SLU7: variants seen among roughly 807,000 people sequenced by gnomAD.
SLU7 encodes the protein pre-mRNA-splicing factor SLU7.
In SLU7, 60 loss-of-function variants were observed where a neutral mutation model predicts 87.0. The observed-to-expected ratio is 0.69, with a 90% CI of 0.56 to 0.86. SLU7 has a LOEUF of 0.86. SLU7 is among the 40% of genes least tolerant of loss of function. The pLI is 0.00. For missense variants in SLU7, 507 were observed against 686.6 expected (o/e 0.74, Z 2.92); for synonymous variants, 197 against 222.0 (o/e 0.89, Z 1.00).
chr5:160,415,231 A>G lies in SLU7; in HGVS notation c.64T>C (p.Leu22=), dbSNP rs1311089294. 2 of 1,610,596 alleles carry G rather than the reference A, an allele frequency of 1.2e-6. No individual in the cohort carries two copies. ...CTGGTCATCTTCTTTGGTTCTTCCA[A>G]ACTCATTTCTTTGGACCCCGATAGG... ...APLSGSKEMS[L]EEPKKMTRED... is the part of the protein sequence containing the mutation. The change falls in exon 2 of 16, where the codon TTG becomes CTG. Residue 22 remains leucine (L), a synonymous_variant. Transcript: ENST00000297151.
chr5:160,405,083 T>G lies in SLU7; in HGVS notation c.1340A>C (p.His447Pro). 1 of 1,613,808 alleles carries G rather than the reference T, an allele frequency of 6.2e-7. No homozygotes were observed. The highest frequency in any genetic ancestry group is 8.5e-7 in the Non-Finnish European group (1 of 1,179,806). Residue 447 changes from histidine to proline, a missense_variant, in exon 13 of 16, where the codon CAC becomes CCC. Physicochemically the swap from His to Pro is moderately conservative, Grantham distance 77. Coordinates refer to ENST00000297151, the MANE Select transcript of SLU7 (RefSeq NM_006425.5). ...KEGRWGYKCC[H>P]SFFKYSYCTG... Reference sequence around the variant, plus strand: ...ACAATAGGAATACTTGAAAAAAGAGTGACAGCATTTGTATCCCCATCGGCC... The same window carrying G: ...ACAATAGGAATACTTGAAAAAAGAGGGACAGCATTTGTATCCCCATCGGCC...
At chr5:160,408,531 C>G (rs1426359216) in intron 7 of SLU7, 71 bp from the exon 8 acceptor site, 4 of 1,505,466 alleles carry the variant, frequency 2.7e-6, no homozygotes, top group Middle Eastern at 3.8e-4. Context: ...TTCCCCTTTC[C>G]CTTTAACCAA....
Position 160,413,497 on chromosome 5 carries a change from C to A in SLU7, c.529G>T (p.Glu177Ter). ...RDRWNGYNPE[E>*]HMKIVEEYAK... ...TACTCTTCAACAATTTTCATGTGTTCTTCTGGATTGTAGCCATTCCACCGA... is the reference window on the plus strand; with the variant it reads ...TACTCTTCAACAATTTTCATGTGTTATTCTGGATTGTAGCCATTCCACCGA... The change falls in exon 5 of 16, where the codon GAA (glutamate) becomes TAA (stop). Residue 177 changes from glutamate (E) to a stop codon, truncating the protein, a stop_gained. Transcript: ENST00000297151. LOFTEE classifies it high-confidence loss of function. The A allele has an allele frequency of 6.2e-7, 1 of 1,613,922 alleles. No homozygotes were observed. The highest frequency in any genetic ancestry group is 8.5e-7 in the Non-Finnish European group (1 of 1,179,900).
intron 6 of SLU7, 92 bp from the exon 7 acceptor site, chr5:160,408,789 T>TTA: frequency 4.2e-6 from 1 of 236,712 alleles, no homozygotes; most frequent in Non-Finnish European, 8.6e-6. Context: ...TATTATCTTA[T>TTA]TATAAATAAT....
At chr5:160,414,497 A>C (rs1380742888) in intron 2 of SLU7, 25 bp from the exon 3 acceptor site, 4 of 1,471,446 alleles carry the variant, frequency 2.7e-6, no homozygotes, top group Non-Finnish European at 3.6e-6. Flanking sequence ...AAAAAAAAAA[A>C]AATTTAAGGA....
At chr5:160,412,377 G>T in intron 6 of SLU7, 74 bp downstream of exon 6, 4 of 928,608 alleles carry the variant, frequency 4.3e-6, no homozygotes, top group South Asian at 4.3e-5. Context: ...GCTATAAAAT[G>T]AATTCTTGTT....
In SLU7 at chr5:160,404,556, G is replaced by A. The variant is rs1764923576; in HGVS notation, c.1465C>T (p.Leu489=). ...TCCTCTTTCAGTTTTTCTTGATGCA[G>A]CTGAAAGGGAGGATTGAAATGCAGT... The part of the protein sequence containing the change: ...SVKKPQTLME[L]HQEKLKEEKK... The change falls in exon 15 of 16, where the codon CTG becomes TTG. Residue 489 remains leucine, a splice_region_variant and synonymous_variant. Coordinates refer to ENST00000297151, the MANE Select transcript of SLU7 (RefSeq NM_006425.5). The A allele has an allele frequency of 1.9e-6, 3 of 1,565,566 alleles. No homozygotes were observed. The highest frequency in any genetic ancestry group is 2.6e-6 in the Non-Finnish European group (3 of 1,140,684).
In SLU7 at chr5:160,413,563, C is replaced by T. The variant is rs763084596; in HGVS notation, c.463G>A (p.Val155Ile). ...TGTNIAPDEH[V>I]QPQLMFDYDG... ...TAGTCAAACATCAGTTGAGGCTGGA[C>T]ATGTTCATCTGGAGCTATATTAGTA... Residue 155 changes from valine to isoleucine, a missense_variant, in exon 5 of 16, where the codon GTC (valine) becomes ATC (isoleucine). Physicochemically the swap from Val to Ile is conservative, Grantham distance 29 (BLOSUM62 3). Coordinates refer to ENST00000297151, the MANE Select transcript of SLU7 (RefSeq NM_006425.5). 2 of 1,614,000 alleles carry T rather than the reference C, an allele frequency of 1.2e-6. No homozygotes were observed. Among genetic ancestry groups the T allele is most frequent in the South Asian group, 1.1e-5 (1 of 91,086 alleles).
In SLU7 at chr5:160,407,640, T is replaced by C; in HGVS notation, c.986-25A>G. The C allele has an allele frequency of 6.2e-7, 1 of 1,606,588 alleles. No homozygotes were observed. ...ACTAGAGTAATTCAAAACATCTTAG[T>C]GAGTTGGCAGCTGCATTACTGTATG... is the stretch of plus-strand genomic sequence containing the variant. On this transcript the variant is annotated intron_variant, in intron 10 of 15. Transcript: ENST00000297151. This position sits in a 1 kb window ranked among gnomAD's most constrained non-coding sequence, Gnocchi z 4.2.
chr5:160,408,668 C>G lies in SLU7; in HGVS notation c.669G>C (p.Glu223Asp), dbSNP rs1372038647. 1 of 1,574,110 alleles carries G rather than the reference C, an allele frequency of 6.4e-7. No homozygotes were observed. The highest frequency in any genetic ancestry group is 8.7e-7 in the Non-Finnish European group (1 of 1,152,600). The change falls in exon 7 of 16, where the codon GAG (glutamate) becomes GAC (aspartate). Residue 223 changes from glutamate to aspartate, a missense_variant. Glu to Asp is a conservative substitution (Grantham distance 45). Coordinates refer to ENST00000297151, the MANE Select transcript of SLU7 (RefSeq NM_006425.5). The part of the protein sequence containing the change: ...ANSPKHQWGE[E>D]EPNSQMEKDH... ...GTATTACCATCTGAGAATTTGGTTCCTCTTCTCCCCACTGGTGTTTTGGAG... is the reference window on the plus strand; with the variant it reads ...GTATTACCATCTGAGAATTTGGTTCGTCTTCTCCCCACTGGTGTTTTGGAG...
chr5:160,402,566 A>G lies in SLU7; in HGVS notation c.*719T>C, dbSNP rs1581056791. On this transcript the variant is annotated 3_prime_UTR_variant, in exon 16 of 16. Coordinates refer to ENST00000297151, the MANE Select transcript of SLU7 (RefSeq NM_006425.5). ...TCACAGAGTTGCTAGTAATTATTTA[A>G]AAAAACAAAGCCCTGTTTTTTTCTC... 1.3e-5 allele frequency: 2 copies of G among 152,202 alleles called. No homozygotes were observed. The highest frequency in any genetic ancestry group is 4.1e-4 in the South Asian group (2 of 4,834). The allele number at this position is 152,202 out of a possible 1,614,324, so 9.4% of individuals were successfully genotyped here. A position where few individuals can be genotyped will look rare whatever the true frequency, so the allele number is the denominator to read the frequency against.
At chr5:160,412,001 T>A (rs1380412123) in intron 6 of SLU7, among the ~76,000 whole-genome samples, 5 of 152,186 alleles carry the variant, frequency 3.3e-5, no homozygotes, top group Non-Finnish European at 5.9e-5. Flanking sequence ...CAAATACAAG[T>A]GTTAACCAGT....
chr5:160,407,879 A>C lies in SLU7; in HGVS notation c.918-66T>G. The C allele has an allele frequency of 6.7e-7, 1 of 1,488,256 alleles. No homozygotes were observed. Among genetic ancestry groups the C allele is most frequent in the Admixed American group, 1.7e-5 (1 of 58,868 alleles). 92.2% of individuals were successfully genotyped at this position (1,488,256 alleles called of 1,614,324 possible). On this transcript the variant is annotated intron_variant, in intron 9 of 15. Coordinates refer to ENST00000297151, the MANE Select transcript of SLU7 (RefSeq NM_006425.5). This position sits in a 1 kb window ranked among gnomAD's most constrained non-coding sequence, Gnocchi z 4.2. The stretch of plus-strand genomic sequence containing the variant: ...AAGGAAAATTAATTCGTAAAACTGA[A>C]TCTGAATTAAAATGAACACCATCTA...
chr5:160,412,344 A>G, intron 6 of SLU7, 107 bp downstream of exon 6: 1 of 714,328 alleles, frequency 1.4e-6, no homozygotes, highest in Admixed American at 2.5e-5. Context: ...CCCCAATAGC[A>G]TTTCTCTCTT....
rs377399701 is a variant in SLU7 at position 160,408,647 on chromosome 5, T to C, written c.687+3A>G. 6.4e-6 allele frequency: 10 copies of C among 1,554,686 alleles called. No homozygotes were observed. Among genetic ancestry groups the C allele is most frequent in the Non-Finnish European group, 7.9e-6 (9 of 1,132,184 alleles). ...ATACTCAGAGACAGCAAATATGTAT[T>C]ACCATCTGAGAATTTGGTTCCTCTT... On this transcript the variant is annotated splice_donor_region_variant and intron_variant, in intron 7 of 15. Coordinates refer to ENST00000297151, the MANE Select transcript of SLU7 (RefSeq NM_006425.5).
intron 6 of SLU7, 71 bp downstream of exon 6, chr5:160,412,380 T>C: frequency 2.1e-6 from 2 of 955,134 alleles, no homozygotes; most frequent in Non-Finnish European, 1.6e-6. Context: ...ATAAAATGAA[T>C]TCTTGTTTCA....
intron 6 of SLU7, among the ~76,000 whole-genome samples, chr5:160,410,569 A>T (rs990879859): frequency 2.7e-5 from 4 of 150,762 alleles, no homozygotes; most frequent in African/African-American, 9.9e-5. Flanking sequence ...AAAGTATATA[A>T]AAAAAAAATA....
chr5:160,408,362 G>A lies in SLU7; in HGVS notation c.786C>T (p.Val262=), dbSNP rs1325047089. Residue 262 remains valine, a synonymous_variant, in exon 8 of 16, where the codon GTC becomes GTT. Transcript: ENST00000297151. ...QNFDSKRRIT[V]RNLRIREDIA... is the part of the protein sequence containing the mutation. Reference sequence around the variant, plus strand: ...TATCTTCTCGAATCCTGAGATTCCGGACAGTAATTCGTCTCTTGGAGTCAA... The same window carrying A: ...TATCTTCTCGAATCCTGAGATTCCGAACAGTAATTCGTCTCTTGGAGTCAA... 6.2e-7 allele frequency: 1 copy of A among 1,611,096 alleles called. No homozygotes were observed. Among genetic ancestry groups the A allele is most frequent in the Admixed American group, 1.7e-5 (1 of 59,674 alleles).
chr5:160,413,141 A>G (rs535095372), intron 5 of SLU7, among the ~76,000 whole-genome samples: 2 of 152,326 alleles, frequency 1.3e-5, no homozygotes, highest in East Asian at 3.9e-4. Context: ...TTGGGGCCAT[A>G]CATTTCTAAC....
Sources: gnomAD v4.1 joint callset for allele counts (sites outside exome capture counted in the v4.1 genomes callset) on GRCh38, gnomAD v4.1.1 for gene constraint, Gnocchi (gnomAD v3.1) non-coding constraint, MANE v1.5 for transcripts, NCBI Gene and HGNC (gene_info 2026-07-23, HGNC 2026-07-21) for gene names.